The following SNTG2 variants were observed in gnomAD, a reference collection of about 807,000 sequenced individuals.
SNTG2 encodes the protein gamma-2-syntrophin.
In SNTG2, 74 loss-of-function variants were observed where a neutral mutation model predicts 70.9. The ratio of observed to expected loss-of-function variants is 1.04; its 90% CI spans 0.86 to 1.27. SNTG2 has a LOEUF of 1.27. Among genes scored for constraint, SNTG2 ranks in the 50% most tolerant of loss-of-function variants. The pLI is 0.00. For missense variants in SNTG2, 717 were observed against 690.7 expected, an observed-to-expected ratio of 1.04 and a Z score of -0.43; for synonymous variants, 278 against 273.8, an observed-to-expected ratio of 1.02 and a Z score of -0.15.
intron 8 of SNTG2, among the ~76,000 whole-genome samples, chr2:1,181,832 G>A (rs565400741): frequency 7.9e-5 from 12 of 152,206 alleles, no homozygotes; most frequent in Admixed American, 5.9e-4. Context: ...TATGGTTCAC[G>A]TAGTTTAAGA....
chr2:1,011,783 A>G (rs1659734710), intron 1 of SNTG2, among the ~76,000 whole-genome samples: 1 of 152,188 alleles, frequency 6.6e-6, no homozygotes, highest in South Asian at 2.1e-4. Flanking sequence ...CTGAAGAGAT[A>G]AATGCTTATT....
chr2:1,349,558 A>G (rs567784765), intron 16 of SNTG2, among the ~76,000 whole-genome samples: 6 of 152,370 alleles, frequency 3.9e-5, no homozygotes, highest in South Asian at 4.1e-4. Context: ...AGGTTAAACT[A>G]GAAGCTAAAT....
chr2:1,209,288 T>C (rs1673883412), intron 9 of SNTG2, 58 bp downstream of exon 9: 1 of 1,607,484 alleles, frequency 6.2e-7, no homozygotes. Context: ...CTTTTGCCAG[T>C]TCCTACAGGC....
intron 8 of SNTG2, among the ~76,000 whole-genome samples, chr2:1,195,293 G>T (rs933769494): frequency 1.3e-5 from 2 of 152,132 alleles, no homozygotes; most frequent in African/African-American, 4.8e-5. Flanking sequence ...GATCCTTGAG[G>T]AGTTGCCACA....
intron 14 of SNTG2, among the ~76,000 whole-genome samples, chr2:1,300,685 A>C (rs1386145646): frequency 6.6e-6 from 1 of 152,184 alleles, no homozygotes; most frequent in Non-Finnish European, 1.5e-5. Context: ...TAACTTCATT[A>C]ATTCCAGCTC....
At chr2:1,026,319 G>A (rs1243576144) in intron 1 of SNTG2, among the ~76,000 whole-genome samples, 1 of 152,308 alleles carries the variant, frequency 6.6e-6, no homozygotes, top group South Asian at 2.1e-4. Context: ...GAACACTGAA[G>A]AACACGCAGG....
At chr2:1,285,062 A>T (rs1425126167) in intron 14 of SNTG2, among the ~76,000 whole-genome samples, 1 of 152,112 alleles carries the variant, frequency 6.6e-6, no homozygotes, top group Non-Finnish European at 1.5e-5. Context: ...CAAGGAAGCC[A>T]GTCCGAGTCC....
At chr2:1,240,524 A>C (rs895629167) in intron 11 of SNTG2, among the ~76,000 whole-genome samples, 1 of 152,212 alleles carries the variant, frequency 6.6e-6, no homozygotes, top group African/African-American at 2.4e-5. Flanking sequence ...TTCTGGTTAC[A>C]TCTCTTAGGG....
chr2:1,236,531 A>G (rs1449801656), intron 9 of SNTG2, among the ~76,000 whole-genome samples: 1 of 152,234 alleles, frequency 6.6e-6, no homozygotes, highest in Non-Finnish European at 1.5e-5. Context: ...TCCTCCTGCC[A>G]AGTCAAGAGT....
rs1661696155 is a variant in SNTG2, at chr2:996,681, T to TTTTTTTTTTTTTTTTTTG, written c.72+45630_72+45631insGTTTTTTTTTTTTTTTTT. On this transcript the variant is annotated intron_variant, in intron 1 of 16. Transcript: ENST00000308624. ...TGTATTTGAGTTACCCAGTTTTTTTTTTTTTTTTTTTTTTTTTTTTTTTAC... is the reference window on the plus strand; with the variant it reads ...TGTATTTGAGTTACCCAGTTTTTTTTTTTTTTTTTTTTTTTTTGTTTTTTTTTTTTTTTTTTTTTTTAC... 1.8e-4 allele frequency among the ~76,000 whole-genome samples: 22 copies of TTTTTTTTTTTTTTTTTTG among 119,430 alleles called. 1 individual carries two copies. Among genetic ancestry groups the TTTTTTTTTTTTTTTTTTG allele is most frequent in the African/African-American group, 5.6e-4 (16 of 28,396 alleles). 78.4% of individuals were successfully genotyped at this position (119,430 alleles called of 152,430 possible).
chr2:1,196,174 T>C (rs989216427), intron 8 of SNTG2, among the ~76,000 whole-genome samples: 5 of 152,090 alleles, frequency 3.3e-5, no homozygotes, highest in Non-Finnish European at 7.4e-5. Context: ...ATAGATATTT[T>C]AAAAACAAGG....
At chr2:1,266,221 G>T (rs1678722400) in intron 13 of SNTG2, among the ~76,000 whole-genome samples, 1 of 152,264 alleles carries the variant, frequency 6.6e-6, no homozygotes, top group Non-Finnish European at 1.5e-5. Context: ...TGCCAGCCAG[G>T]TATTGAGTGC....
In SNTG2 at chr2:1,032,896, C is replaced by T. The variant is rs550598342; in HGVS notation, c.73-50622C>T. Among the ~76,000 whole-genome samples the T allele has an allele frequency of 9.9e-5, 15 of 152,196 alleles. No individual in the cohort carries two copies. The East Asian group carries it at 1.2e-3, about 12-fold the overall frequency. On this transcript the variant is annotated intron_variant, in intron 1 of 16. Transcript: ENST00000308624. ...TTGGCTCACAGTTCTACAGGTTGTG[C>T]GAGCATGGCACTGACATCTGCCTAG... is the stretch of plus-strand genomic sequence containing the variant.
At chr2:1,229,491 A>G (rs1274658056) in intron 9 of SNTG2, among the ~76,000 whole-genome samples, 3 of 152,222 alleles carry the variant, frequency 2.0e-5, no homozygotes, top group Non-Finnish European at 4.4e-5. Context: ...CTAGACATAA[A>G]GGTTCTCCAA....
intron 4 of SNTG2, among the ~76,000 whole-genome samples, chr2:1,109,271 C>T (rs992718270): frequency 6.6e-6 from 1 of 152,004 alleles, no homozygotes; most frequent in East Asian, 1.9e-4. Context: ...AAGAATGAAG[C>T]TCTCCTCTAT....
intron 1 of SNTG2, among the ~76,000 whole-genome samples, chr2:996,825 A>G (rs943654979): frequency 6.6e-6 from 1 of 151,992 alleles, no homozygotes; most frequent in Non-Finnish European, 1.5e-5. Context: ...CAAAAGGAGC[A>G]AAGTTTGAAA....
At chr2:1,300,998 A>T (rs1473962837) in intron 14 of SNTG2, among the ~76,000 whole-genome samples, 1 of 152,192 alleles carries the variant, frequency 6.6e-6, no homozygotes, top group Non-Finnish European at 1.5e-5. Context: ...AGAAAATTTG[A>T]TGAGTCATTA....
At chr2:1,293,311 C>T (rs926828675) in intron 14 of SNTG2, among the ~76,000 whole-genome samples, 7 of 152,148 alleles carry the variant, frequency 4.6e-5, no homozygotes, top group Admixed American at 4.6e-4. Context: ...TCAAGTTTTG[C>T]ATCCATTGAT....
At chr2:1,181,895 A>T (rs530110805) in intron 8 of SNTG2, among the ~76,000 whole-genome samples, 1 of 152,296 alleles carries the variant, frequency 6.6e-6, no homozygotes, top group South Asian at 2.1e-4. Flanking sequence ...ATCCTTACTA[A>T]ACATTTATAA....
Sources: allele counts gnomAD v4.1 joint callset (sites outside exome capture counted in the v4.1 genomes callset), GRCh38; gene constraint gnomAD v4.1.1; transcripts MANE v1.5; gene names NCBI Gene and HGNC (gene_info 2026-07-23, HGNC 2026-07-21).